The following ERBB2 variants were observed in gnomAD, a reference collection of about 807,000 sequenced individuals.
ERBB2 encodes erb-b2 receptor tyrosine kinase 2, also known as receptor tyrosine-protein kinase erbB-2.
Under a neutral mutation model 149.0 loss-of-function variants are expected in ERBB2, and 61 were observed. The ratio of observed to expected loss-of-function variants is 0.41; its 90% CI spans 0.33 to 0.51. ERBB2 has a LOEUF of 0.51. ERBB2 is among the 20% of genes least tolerant of loss of function. The pLI is 0.25. For synonymous variants in ERBB2, 633 were observed against 678.8 expected (o/e 0.93, Z 1.05); for missense variants, 1,205 against 1,655.1 (o/e 0.73, Z 4.72).
At chr17:39,699,936 A>G (rs1385356578), upstream of ERBB2, 11 of 1,128,076 alleles carry the variant, frequency 9.8e-6, no homozygotes, top group Non-Finnish European at 1.2e-5. Context: ...TGCCACTCCC[A>G]GACTTGTTGG....
chr17:39,722,710 T>C (rs192486670), intron 16 of ERBB2, among the ~76,000 whole-genome samples: 1 of 152,006 alleles, frequency 6.6e-6, no homozygotes, highest in Non-Finnish European at 1.5e-5. Context: ...GGCATGTGTA[T>C]TAACAGTCTC....
intron 2 of ERBB2, 136 bp from the exon 3 acceptor site, chr17:39,708,184 CG>C: frequency 1.6e-6 from 1 of 606,194 alleles, no homozygotes; most frequent in South Asian, 2.1e-5. Flanking sequence ...TCTATTTTAT[CG>C]TTTTATTTAA....
At chr17:39,721,935 T>A (rs963740322) in intron 16 of ERBB2, among the ~76,000 whole-genome samples, 3 of 152,128 alleles carry the variant, frequency 2.0e-5, no homozygotes, top group African/African-American at 7.2e-5. Context: ...TTATTTATTT[T>A]GAGATGTCAT....
chr17:39,695,514 A>T (rs1278967026), upstream of ERBB2, among the ~76,000 whole-genome samples: 2 of 152,064 alleles, frequency 1.3e-5, no homozygotes, highest in East Asian at 3.9e-4. Context: ...TTTCCAATGA[A>T]CTAATTCCTA....
Position 39,708,314 on chromosome 17 carries a change from C to A in ERBB2, c.226-7C>A. ...TATTTCAGCCCCACTCTGCTTCCCC[C>A]TCCCAGGATATCCAGGAGGTGCAGG... is the stretch of plus-strand genomic sequence containing the variant. On this transcript the variant is annotated splice_region_variant and splice_polypyrimidine_tract_variant and intron_variant, in intron 2 of 26. Transcript: ENST00000269571. 2 of 1,611,052 alleles carry A rather than the reference C, an allele frequency of 1.2e-6. No individual in the cohort carries two copies. The highest frequency in any genetic ancestry group is 1.7e-6 in the Non-Finnish European group (2 of 1,177,538).
At chr17:39,693,508 G>T (rs1048261165), upstream of ERBB2, among the ~76,000 whole-genome samples, 4 of 151,970 alleles carry the variant, frequency 2.6e-5, no homozygotes, top group Admixed American at 1.3e-4. Context: ...TTGTGACAAG[G>T]TCTCCCTCTG....
At chr17:39,705,904 G>T (rs1056517005) in intron 1 of ERBB2, among the ~76,000 whole-genome samples, 1 of 152,146 alleles carries the variant, frequency 6.6e-6, no homozygotes. Flanking sequence ...GCCTGAGGGT[G>T]CCCTCTGCCC....
At chr17:39,691,070 C>T (rs1423911990), upstream of ERBB2, among the ~76,000 whole-genome samples, 2 of 151,614 alleles carry the variant, frequency 1.3e-5, no homozygotes, top group African/African-American at 4.8e-5. Flanking sequence ...GTGCTAAAGG[C>T]TCAACGGCAA....
chr17:39,705,721 G>A (rs2058385478), intron 1 of ERBB2, among the ~76,000 whole-genome samples: 1 of 152,170 alleles, frequency 6.6e-6, no homozygotes, highest in Non-Finnish European at 1.5e-5. Flanking sequence ...TGAAGGCAGG[G>A]GGTACCTCGT....
At chr17:39,697,634 G>A (rs769521608), upstream of ERBB2, among the ~76,000 whole-genome samples, 3 of 151,982 alleles carry the variant, frequency 2.0e-5, no homozygotes. Context: ...GCAATTACAG[G>A]CATGAGCCAC....
At chr17:39,709,909 G>A (rs2145494360) in intron 5 of ERBB2, 28 bp downstream of exon 5, 1 of 1,607,656 alleles carries the variant, frequency 6.2e-7, no homozygotes, top group Non-Finnish European at 8.5e-7. Flanking sequence ...CTGGAGTCAG[G>A]GAAGGGGAGG....
At chr17:39,694,151 G>A (rs1193667478), upstream of ERBB2, among the ~76,000 whole-genome samples, 1 of 122,740 alleles carries the variant, frequency 8.1e-6, no homozygotes, top group South Asian at 3.0e-4. Context: ...CCGACATCAT[G>A]CCACTGCGCT....
Position 39,725,998 on chromosome 17 carries a change from C to A in ERBB2, c.2872+145C>A. On this transcript the variant is annotated intron_variant, in intron 23 of 26. Coordinates refer to ENST00000269571, the MANE Select transcript of ERBB2 (RefSeq NM_004448.4). The surrounding 1 kb of genome is among the most constrained non-coding windows in gnomAD (Gnocchi z 4.6). ...GGAGCCTCAAAACCTTCTTGTATCCCTTTTACAGTCAAAGTCCAAAGCCAC... is the reference window on the plus strand; with the variant it reads ...GGAGCCTCAAAACCTTCTTGTATCCATTTTACAGTCAAAGTCCAAAGCCAC... The A allele has an allele frequency of 2.5e-6, 2 of 786,096 alleles. No individual in the cohort carries two copies. Among genetic ancestry groups the A allele is most frequent in the Admixed American group, 3.0e-5 (1 of 33,726 alleles). 48.7% of individuals were successfully genotyped at this position (786,096 alleles called of 1,614,324 possible). A position where few individuals can be genotyped will look rare whatever the true frequency, so the allele number is the denominator to read the frequency against.
chr17:39,708,489 G>A lies in ERBB2; in HGVS notation c.394G>A (p.Ala132Thr), dbSNP rs2058596761. The A allele has an allele frequency of 6.2e-7, 1 of 1,614,052 alleles. No individual in the cohort carries two copies. The change falls in exon 3 of 27, where the codon GCC becomes ACC. Residue 132 changes from alanine (A) to threonine (T), a missense_variant. Ala to Thr is a moderately conservative substitution (Grantham distance 58). Coordinates refer to ENST00000269571, the MANE Select transcript of ERBB2 (RefSeq NM_004448.4). ...GAACAATACCACCCCTGTCACAGGGGCCTCCCCAGGAGGCCTGCGGGAGCT... is the reference window on the plus strand; with the variant it reads ...GAACAATACCACCCCTGTCACAGGGACCTCCCCAGGAGGCCTGCGGGAGCT... ...PLNNTTPVTG[A>T]SPGGLRELQL...
chr17:39,710,518 G>A (rs1458475471), intron 7 of ERBB2, 37 bp downstream of exon 7: 1 of 1,612,662 alleles, frequency 6.2e-7, no homozygotes, highest in East Asian at 2.2e-5. Flanking sequence ...TCTCATTTTG[G>A]TGGGGAGGTT....
At chr17:39,697,120 T>A (rs2057880736), upstream of ERBB2, among the ~76,000 whole-genome samples, 2 of 152,126 alleles carry the variant, frequency 1.3e-5, no homozygotes, top group South Asian at 4.1e-4. Flanking sequence ...CTGGGCAAAT[T>A]GCTTACCTCA....
rs2059732412 is a variant in ERBB2, at chr17:39,725,930, A to G, written c.2872+77A>G. On this transcript the variant is annotated intron_variant, in intron 23 of 26. Coordinates refer to ENST00000269571, the MANE Select transcript of ERBB2 (RefSeq NM_004448.4). The surrounding 1 kb of genome is among the most constrained non-coding windows in gnomAD (Gnocchi z 4.6). Reference sequence around the variant, plus strand: ...TGGAGGAGCCCACAAGGGGCATGAAAGGGGACCAGGATGTATGTAGACCCA... The same window carrying G: ...TGGAGGAGCCCACAAGGGGCATGAAGGGGGACCAGGATGTATGTAGACCCA... The G allele has an allele frequency of 6.6e-7, 1 of 1,506,932 alleles. No individual in the cohort carries two copies. Among genetic ancestry groups the G allele is most frequent in the Admixed American group, 1.9e-5 (1 of 53,598 alleles). The allele number at this position is 1,506,932 out of a possible 1,614,324, so 93.3% of individuals were successfully genotyped here.
chr17:39,725,867 C>G lies in ERBB2; in HGVS notation c.2872+14C>G, dbSNP rs2143081523. On this transcript the variant is annotated intron_variant, in intron 23 of 26. Coordinates refer to ENST00000269571, the MANE Select transcript of ERBB2 (RefSeq NM_004448.4). The surrounding 1 kb of genome is among the most constrained non-coding windows in gnomAD (Gnocchi z 4.6). Reference sequence around the variant, plus strand: ...TCATGGTCAAATGTGCGTGGCTGAGCTGTGCTGGCTGCCTGGAGGAGGGTG... The same window carrying G: ...TCATGGTCAAATGTGCGTGGCTGAGGTGTGCTGGCTGCCTGGAGGAGGGTG... 1 of 1,612,280 alleles carries G rather than the reference C, an allele frequency of 6.2e-7. No individual in the cohort carries two copies. Among genetic ancestry groups the G allele is most frequent in the Non-Finnish European group, 8.5e-7 (1 of 1,179,344 alleles).
intron 5 of ERBB2, 47 bp from the exon 6 acceptor site, chr17:39,710,039 G>A (rs2145498302): frequency 6.5e-7 from 1 of 1,547,184 alleles, no homozygotes; most frequent in East Asian, 2.3e-5. Context: ...ATGAGGGTCT[G>A]GTGCCCAGGG....
Sources: allele counts gnomAD v4.1 joint callset (sites outside exome capture counted in the v4.1 genomes callset), GRCh38; gene constraint gnomAD v4.1.1; non-coding constraint Gnocchi (gnomAD v3.1); transcripts MANE v1.5; gene names NCBI Gene and HGNC (gene_info 2026-07-23, HGNC 2026-07-21).